The following CDH13 variants were observed in gnomAD, a reference collection of about 807,000 sequenced individuals.
CDH13 encodes cadherin-13.
A neutral mutation model predicts 63.8 loss-of-function variants in CDH13; 24 were observed. The observed-to-expected ratio is 0.38, with a 90% CI of 0.27 to 0.53. CDH13 has a LOEUF of 0.53. CDH13 is among the 20% of genes least tolerant of loss of function. The pLI, the probability that CDH13 is intolerant of heterozygous loss-of-function variation, is 0.85. For missense variants in CDH13, 1,049 were observed against 903.1 expected (o/e 1.16, Z -2.07); for synonymous variants, 503 against 355.3 (o/e 1.42, Z -4.67).
intron 2 of CDH13, among the ~76,000 whole-genome samples, chr16:83,009,110 A>G (rs1280101424): frequency 6.6e-6 from 1 of 152,254 alleles, no homozygotes; most frequent in Non-Finnish European, 1.5e-5. Flanking sequence ...TATGGAAAGT[A>G]TAATTCAAGA....
intron 13 of CDH13, among the ~76,000 whole-genome samples, chr16:83,785,980 C>T (rs781388438): frequency 3.3e-5 from 5 of 152,110 alleles, no homozygotes; most frequent in Admixed American, 3.3e-4. Flanking sequence ...CAATAGGAAA[C>T]AGGTGGAGGA....
intron 7 of CDH13, among the ~76,000 whole-genome samples, chr16:83,525,981 C>T (rs1434014838): frequency 6.6e-6 from 1 of 152,156 alleles, no homozygotes; most frequent in African/African-American, 2.4e-5. Context: ...AGGAGTGCAG[C>T]CCTTCCAGTA....
chr16:82,754,041 C>T (rs2034521963), intron 1 of CDH13, among the ~76,000 whole-genome samples: 1 of 152,170 alleles, frequency 6.6e-6, no homozygotes, highest in African/African-American at 2.4e-5. Flanking sequence ...GCTCACGCTT[C>T]TGGAATGAAA....
At chr16:83,763,767 A>G (rs975105135) in intron 11 of CDH13, among the ~76,000 whole-genome samples, 1 of 152,206 alleles carries the variant, frequency 6.6e-6, no homozygotes. Context: ...CACTCGCAAA[A>G]TATCAGTCAT....
chr16:82,779,161 C>G (rs1044515270), intron 1 of CDH13, among the ~76,000 whole-genome samples: 9 of 152,156 alleles, frequency 5.9e-5, no homozygotes, highest in African/African-American at 1.7e-4. Flanking sequence ...TTACTGTATG[C>G]TAGATATCCT....
chr16:83,006,928 GTTTGTT>G (rs1189016225), intron 2 of CDH13, among the ~76,000 whole-genome samples: 3 of 127,988 alleles, frequency 2.3e-5, no homozygotes, highest in East Asian at 2.2e-4. Context: ...TTGTTTGTTT[GTTTGTT>G]TTTTTTGAGA....
At chr16:82,732,071 C>T (rs754749566) in intron 1 of CDH13, among the ~76,000 whole-genome samples, 1 of 152,108 alleles carries the variant, frequency 6.6e-6, no homozygotes. Context: ...ATGAGTTCTT[C>T]CCTTTATGCA....
At chr16:83,723,799 A>G (rs1336784119) in intron 10 of CDH13, among the ~76,000 whole-genome samples, 1 of 149,656 alleles carries the variant, frequency 6.7e-6, no homozygotes, top group Non-Finnish European at 1.5e-5. Context: ...AGAATGTCTG[A>G]CATATAATAG....
At chr16:83,538,143 C>G (rs192379531) in intron 7 of CDH13, among the ~76,000 whole-genome samples, 2 of 152,220 alleles carry the variant, frequency 1.3e-5, no homozygotes, top group Non-Finnish European at 1.5e-5. Context: ...TTCAGAAGGC[C>G]ATAATAGAAA....
chr16:82,916,615 C>G (rs1042825126), intron 2 of CDH13, among the ~76,000 whole-genome samples: 4 of 151,824 alleles, frequency 2.6e-5, no homozygotes, highest in Admixed American at 6.6e-5. Context: ...AAAAGGAAGA[C>G]CTTGATAAAT....
In CDH13 at chr16:82,927,334, G is replaced by A. The variant is rs564718571; in HGVS notation, c.157+68861G>A. Among the ~76,000 whole-genome samples the A allele has an allele frequency of 8.7e-4, 132 of 152,206 alleles. 2 individuals are homozygous for A. The highest frequency in any genetic ancestry group is 1.9e-3 in the South Asian group (9 of 4,828). On this transcript the variant is annotated intron_variant, in intron 2 of 13. Transcript: ENST00000567109. ...AGTCATGTCACCATTACCTTGCATCGTGAGCATGAGAGATGTAATATGATG... is the reference window on the plus strand; with the variant it reads ...AGTCATGTCACCATTACCTTGCATCATGAGCATGAGAGATGTAATATGATG...
intron 12 of CDH13, among the ~76,000 whole-genome samples, chr16:83,780,891 C>T (rs377320203): frequency 2.2e-4 from 33 of 152,264 alleles, no homozygotes; most frequent in Admixed American, 3.9e-4. Context: ...CTTTCACCAG[C>T]GCATTGGAGA....
rs114316900 is a variant in CDH13 at position 83,034,385 on chromosome 16, C to T, written c.366+2167C>T. Reference sequence around the variant, plus strand: ...AGATGGCAACCTAAAAACGAATGTACGGCACGTCAGTCATGTTTCAGAGGA... The same window carrying T: ...AGATGGCAACCTAAAAACGAATGTATGGCACGTCAGTCATGTTTCAGAGGA... On this transcript the variant is annotated intron_variant, in intron 3 of 13. Transcript: ENST00000567109. 1.3e-3 allele frequency among the ~76,000 whole-genome samples: 200 copies of T among 152,186 alleles called. 1 individual carries two copies. Among genetic ancestry groups the T allele is most frequent in the African/African-American group, 4.6e-3 (192 of 41,512 alleles).
intron 7 of CDH13, among the ~76,000 whole-genome samples, chr16:83,515,395 A>C (rs1337635730): frequency 2.0e-5 from 3 of 152,242 alleles, no homozygotes; most frequent in African/African-American, 7.2e-5. Flanking sequence ...AAGAGTTAAC[A>C]AGCAATAATA....
At chr16:82,705,621 C>T (rs2031425375) in intron 1 of CDH13, among the ~76,000 whole-genome samples, 1 of 151,992 alleles carries the variant, frequency 6.6e-6, no homozygotes, top group Non-Finnish European at 1.5e-5. Context: ...TTGGTAGGGA[C>T]ACATTTCACC....
chr16:82,640,569 A>T (rs1909273910), intron 1 of CDH13, among the ~76,000 whole-genome samples: 1 of 152,172 alleles, frequency 6.6e-6, no homozygotes, highest in African/African-American at 2.4e-5. Context: ...TTACAAACAC[A>T]AGCAGAGCTA....
intron 11 of CDH13, among the ~76,000 whole-genome samples, chr16:83,765,239 G>A (rs1914287093): frequency 1.3e-5 from 2 of 152,122 alleles, no homozygotes; most frequent in African/African-American, 4.8e-5. Context: ...CCAGTAAATG[G>A]TTATTGACTG....
At chr16:83,398,904 C>T (rs1211379706) in intron 6 of CDH13, among the ~76,000 whole-genome samples, 1 of 152,150 alleles carries the variant, frequency 6.6e-6, no homozygotes, top group East Asian at 1.9e-4. Flanking sequence ...TAATTATTTG[C>T]AGAGATAGGA....
At chr16:83,264,141 A>G (rs755436914) in intron 5 of CDH13, among the ~76,000 whole-genome samples, 9 of 152,220 alleles carry the variant, frequency 5.9e-5, no homozygotes, top group Non-Finnish European at 1.2e-4. Flanking sequence ...AGAGTTATAG[A>G]TAGCAGACAT....
Sources: allele counts gnomAD v4.1 joint callset (sites outside exome capture counted in the v4.1 genomes callset), GRCh38; gene constraint gnomAD v4.1.1; transcripts MANE v1.5; gene names NCBI Gene and HGNC (gene_info 2026-07-23, HGNC 2026-07-21).